The following MEF2A variants were observed in gnomAD, a reference collection of about 807,000 sequenced individuals.
MEF2A encodes myocyte-specific enhancer factor 2A.
A neutral mutation model predicts 55.8 loss-of-function variants in MEF2A; 28 were observed. The ratio of observed to expected loss-of-function variants is 0.50; its 90% CI spans 0.37 to 0.69. The LOEUF (loss-of-function observed/expected upper bound fraction) is 0.69, where lower values mean the gene tolerates loss of function less well. Among genes scored for constraint, MEF2A ranks in the 30% least tolerant of loss-of-function variants. The pLI is 0.00. For missense variants in MEF2A, 528 were observed against 626.2 expected, an observed-to-expected ratio of 0.84 and a Z score of 1.67; for synonymous variants, 239 against 227.1, an observed-to-expected ratio of 1.05 and a Z score of -0.47.
At chr15:99,660,338 G>T (rs976316045) in intron 4 of MEF2A, among the ~76,000 whole-genome samples, 1 of 152,040 alleles carries the variant, frequency 6.6e-6, no homozygotes, top group African/African-American at 2.4e-5. Context: ...CTACTGTTTG[G>T]GCACAAAACT....
At chr15:99,644,535 A>C (rs1275773083) in intron 3 of MEF2A, among the ~76,000 whole-genome samples, 2 of 152,218 alleles carry the variant, frequency 1.3e-5, no homozygotes, top group Non-Finnish European at 2.9e-5. Flanking sequence ...TTTAATAGCT[A>C]CTGCAATAAC....
chr15:99,620,334 C>T (rs1436240294), intron 2 of MEF2A, among the ~76,000 whole-genome samples: 1 of 152,120 alleles, frequency 6.6e-6, no homozygotes. Context: ...AATCTTTACC[C>T]ACCTCTTACG....
intron 1 of MEF2A, among the ~76,000 whole-genome samples, chr15:99,586,617 C>G (rs1967370180): frequency 6.6e-6 from 1 of 151,504 alleles, no homozygotes; most frequent in Non-Finnish European, 1.5e-5. Context: ...TATTTTTATC[C>G]CTTAATGGTA....
intron 4 of MEF2A, among the ~76,000 whole-genome samples, chr15:99,646,749 G>A (rs886487282): frequency 5.9e-5 from 9 of 151,978 alleles, no homozygotes; most frequent in Non-Finnish European, 1.0e-4. Flanking sequence ...TTATTGTTCC[G>A]AAAATGCATT....
rs1418474002 is a variant in MEF2A at position 99,714,301 on chromosome 15, A to C, written c.*1530A>C. ...AAATGTAGTAGAAAAAGCTGACCTA[A>C]TTTAATTAATATTAGAGAAAATGGC... On this transcript the variant is annotated 3_prime_UTR_variant, in exon 12 of 12. Coordinates refer to ENST00000557942, the MANE Select transcript of MEF2A (RefSeq NM_001319206.4). The C allele has an allele frequency of 6.6e-6, 1 of 152,216 alleles. No individual in the cohort carries two copies. Among genetic ancestry groups the C allele is most frequent in the Non-Finnish European group, 1.5e-5 (1 of 68,024 alleles). The allele number at this position is 152,216 out of a possible 1,614,324, so 9.4% of individuals were successfully genotyped here.
intron 2 of MEF2A, among the ~76,000 whole-genome samples, chr15:99,625,885 A>G (rs1294158885): frequency 1.3e-5 from 2 of 152,004 alleles, no homozygotes; most frequent in African/African-American, 4.8e-5. Flanking sequence ...TATTTTATTG[A>G]GGGTTTTCGT....
At chr15:99,621,728 A>G (rs147421630) in intron 2 of MEF2A, among the ~76,000 whole-genome samples, 28 of 152,292 alleles carry the variant, frequency 1.8e-4, no homozygotes, top group African/African-American at 6.7e-4. Flanking sequence ...TTAAATCCTT[A>G]AGTTCCATTC....
intron 9 of MEF2A, 176 bp from the exon 10 acceptor site, chr15:99,706,553 C>T (rs143485663): frequency 4.8e-6 from 3 of 627,638 alleles, no homozygotes; most frequent in African/African-American, 1.8e-5. Context: ...AAAATAGGAC[C>T]CTTCAAATTA....
chr15:99,666,612 A>AT (rs1567374687), intron 4 of MEF2A, among the ~76,000 whole-genome samples: 5 of 149,400 alleles, frequency 3.3e-5, no homozygotes, highest in South Asian at 2.1e-4. Flanking sequence ...AATAATAATA[A>AT]AAAGATCAGC....
chr15:99,694,862 A>G (rs889167608), intron 8 of MEF2A, among the ~76,000 whole-genome samples: 2 of 152,052 alleles, frequency 1.3e-5, no homozygotes, highest in Non-Finnish European at 2.9e-5. Flanking sequence ...GTGGGCATTT[A>G]TTTTAATACT....
intron 4 of MEF2A, among the ~76,000 whole-genome samples, chr15:99,658,933 C>T (rs1368914976): frequency 2.6e-5 from 4 of 152,074 alleles, no homozygotes; most frequent in Non-Finnish European, 5.9e-5. Context: ...ACCAGATGAT[C>T]TCTACAGTCT....
Position 99,712,143 on chromosome 15 carries a change from T to C in MEF2A, c.1137-247T>C, listed in dbSNP as rs1239757125. Reference sequence around the variant, plus strand: ...GTTTTGTATACTTTAGCTGCAAAAGTACCAACGTTGTGGGTAACAGAACCA... The same window carrying C: ...GTTTTGTATACTTTAGCTGCAAAAGCACCAACGTTGTGGGTAACAGAACCA... On this transcript the variant is annotated intron_variant, in intron 11 of 11. Coordinates refer to ENST00000557942, the MANE Select transcript of MEF2A (RefSeq NM_001319206.4). This position sits in a 1 kb window ranked among gnomAD's most constrained non-coding sequence, Gnocchi z 4.1. 6.6e-6 allele frequency among the ~76,000 whole-genome samples: 1 copy of C among 152,218 alleles called. No individual in the cohort carries two copies. The highest frequency in any genetic ancestry group is 2.4e-5 in the African/African-American group (1 of 41,450).
chr15:99,657,697 G>T (rs577880669), intron 4 of MEF2A, among the ~76,000 whole-genome samples: 1 of 152,112 alleles, frequency 6.6e-6, no homozygotes, highest in African/African-American at 2.4e-5. Context: ...CTAGGTTTAT[G>T]AGCCTAATAG....
intron 4 of MEF2A, among the ~76,000 whole-genome samples, chr15:99,651,755 G>A (rs1245999968): frequency 1.3e-5 from 2 of 151,994 alleles, no homozygotes; most frequent in Non-Finnish European, 2.9e-5. Context: ...ACAATTATTG[G>A]TTTTCATTTA....
Position 99,706,862 on chromosome 15 carries a change from C to G in MEF2A, c.1009+7C>G. ...CCGACTGCCTACAACACTGGTGAGCCTGCTCTGGTGCCTTCCGTAGGTTTT... is the reference window on the plus strand; with the variant it reads ...CCGACTGCCTACAACACTGGTGAGCGTGCTCTGGTGCCTTCCGTAGGTTTT... On this transcript the variant is annotated splice_region_variant and intron_variant, in intron 10 of 11. Coordinates refer to ENST00000557942, the MANE Select transcript of MEF2A (RefSeq NM_001319206.4). 6.2e-7 allele frequency: 1 copy of G among 1,613,500 alleles called. No homozygotes were observed. Among genetic ancestry groups the G allele is most frequent in the Non-Finnish European group, 8.5e-7 (1 of 1,179,494 alleles).
At chr15:99,708,498 C>G (rs1181487155) in intron 10 of MEF2A, among the ~76,000 whole-genome samples, 1 of 152,220 alleles carries the variant, frequency 6.6e-6, no homozygotes, top group Non-Finnish European at 1.5e-5. Flanking sequence ...GGCAGGCTCT[C>G]AAAATCATCA....
intron 2 of MEF2A, among the ~76,000 whole-genome samples, chr15:99,601,756 TTTA>T (rs1311191422): frequency 6.6e-6 from 1 of 151,984 alleles, no homozygotes; most frequent in African/African-American, 2.4e-5. Flanking sequence ...CGTTGACTCT[TTTA>T]AAAAGTCTAC....
chr15:99,588,461 C>A (rs1283204933), intron 1 of MEF2A, among the ~76,000 whole-genome samples: 1 of 151,970 alleles, frequency 6.6e-6, no homozygotes, highest in East Asian at 1.9e-4. Flanking sequence ...ACCACCATGC[C>A]CAGCTAATTT....
intron 2 of MEF2A, among the ~76,000 whole-genome samples, chr15:99,606,519 G>T (rs1336688062): frequency 1.3e-5 from 2 of 151,996 alleles, no homozygotes. Context: ...TATTCAAAGC[G>T]CTTCTACAAA....
Sources: gnomAD v4.1 joint callset for allele counts (sites outside exome capture counted in the v4.1 genomes callset) on GRCh38, gnomAD v4.1.1 for gene constraint, Gnocchi (gnomAD v3.1) non-coding constraint, MANE v1.5 for transcripts, NCBI Gene and HGNC (gene_info 2026-07-23, HGNC 2026-07-21) for gene names.